The following SHISA6 variants were observed in gnomAD, a reference collection of about 807,000 sequenced individuals.
SHISA6 encodes protein shisa-6.
A neutral mutation model predicts 47.9 loss-of-function variants in SHISA6; 22 were observed. The ratio of observed to expected loss-of-function variants is 0.46; its 90% CI spans 0.33 to 0.66. The LOEUF (loss-of-function observed/expected upper bound fraction) is 0.66. SHISA6 is among the 30% of genes least tolerant of loss of function. The pLI is 0.02. For missense variants in SHISA6, 680 were observed against 764.6 expected (o/e 0.89, Z 1.30); for synonymous variants, 388 against 337.8 (o/e 1.15, Z -1.63).
intron 2 of SHISA6, among the ~76,000 whole-genome samples, chr17:11,335,592 T>G (rs533632336): frequency 3.0e-4 from 45 of 152,272 alleles, no homozygotes; most frequent in African/African-American, 1.1e-3. Flanking sequence ...CTCTTTTTCC[T>G]TGGCTCCTCA....
chr17:11,330,222 C>T (rs1307096285), intron 2 of SHISA6, among the ~76,000 whole-genome samples: 2 of 152,020 alleles, frequency 1.3e-5, no homozygotes, highest in Non-Finnish European at 2.9e-5. Context: ...ATTAACCAGA[C>T]CATGGTCACG....
chr17:11,308,068 T>TAAGGA (rs1910189249), intron 2 of SHISA6, among the ~76,000 whole-genome samples: 3 of 152,246 alleles, frequency 2.0e-5, no homozygotes, highest in Non-Finnish European at 1.5e-5. Context: ...AAGTGGGCAC[T>TAAGGA]AGGGAGGTTG....
intron 3 of SHISA6, among the ~76,000 whole-genome samples, chr17:11,392,999 T>G (rs1913438125): frequency 6.6e-6 from 1 of 152,238 alleles, no homozygotes; most frequent in African/African-American, 2.4e-5. Flanking sequence ...ATTGAGAGGT[T>G]CTGGGGAAGC....
intron 3 of SHISA6, among the ~76,000 whole-genome samples, chr17:11,417,564 C>A (rs1036379020): frequency 6.6e-6 from 1 of 152,198 alleles, no homozygotes; most frequent in African/African-American, 2.4e-5. Context: ...GAGATGTAAT[C>A]TTCACTTGGA....
intron 3 of SHISA6, among the ~76,000 whole-genome samples, chr17:11,407,165 A>G (rs1203420839): frequency 6.6e-6 from 1 of 152,040 alleles, no homozygotes; most frequent in Non-Finnish European, 1.5e-5. Flanking sequence ...ACTCATTTAT[A>G]CAACATAACC....
Position 11,241,980 on chromosome 17 carries a change from C to T in SHISA6, c.558C>T (p.Ala186=). ...FTVYITCGVI[A]FVIVAGVFAK... is the part of the protein sequence containing the mutation. ...TCTACATCACCTGCGGGGTGATCGC[C>T]TTCGTCATCGTGGCCGGCGTCTTCG... The change falls in exon 1 of 6, where the codon GCC becomes GCT. Residue 186 remains alanine (A), a synonymous_variant. Coordinates refer to ENST00000441885, the MANE Select transcript of SHISA6 (RefSeq NM_207386.4). This position sits in a 1 kb window ranked among gnomAD's most constrained non-coding sequence, Gnocchi z 5.5. 2 of 1,551,102 alleles carry T rather than the reference C, an allele frequency of 1.3e-6. No individual in the cohort carries two copies. Among genetic ancestry groups the T allele is most frequent in the Non-Finnish European group, 1.7e-6 (2 of 1,147,008 alleles).
chr17:11,498,932 T>C (rs1406662028), intron 3 of SHISA6, among the ~76,000 whole-genome samples: 1 of 152,188 alleles, frequency 6.6e-6, no homozygotes, highest in Non-Finnish European at 1.5e-5. Context: ...TCAGTAAGTG[T>C]TTGTTTTTGC....
intron 2 of SHISA6, among the ~76,000 whole-genome samples, chr17:11,375,422 C>A (rs1912766603): frequency 6.6e-6 from 1 of 152,176 alleles, no homozygotes; most frequent in Non-Finnish European, 1.5e-5. Context: ...GTTCTCTAGT[C>A]CAGATCTGCA....
intron 2 of SHISA6, among the ~76,000 whole-genome samples, chr17:11,323,640 T>C (rs1015530304): frequency 6.6e-6 from 1 of 150,534 alleles, no homozygotes; most frequent in Non-Finnish European, 1.5e-5. Context: ...GGCAACAGAG[T>C]GAGACTGTGT....
At chr17:11,316,424 T>TA (rs1410612329) in intron 2 of SHISA6, among the ~76,000 whole-genome samples, 1 of 143,410 alleles carries the variant, frequency 7.0e-6, no homozygotes, top group African/African-American at 2.5e-5. Context: ...TCTCTCTTTT[T>TA]TTTTTTTTTT....
intron 3 of SHISA6, among the ~76,000 whole-genome samples, chr17:11,404,402 C>A (rs750124052): frequency 1.3e-5 from 2 of 152,098 alleles, no homozygotes; most frequent in Admixed American, 1.3e-4. Flanking sequence ...GCCTGTATAT[C>A]CCAAGACTGT....
chr17:11,474,544 A>G (rs899872056), intron 3 of SHISA6, among the ~76,000 whole-genome samples: 2 of 151,904 alleles, frequency 1.3e-5, no homozygotes, highest in East Asian at 1.9e-4. Context: ...TTCCAGCACC[A>G]TTTGTTGAGA....
At chr17:11,477,552 G>A (rs1014838375) in intron 3 of SHISA6, among the ~76,000 whole-genome samples, 7 of 147,946 alleles carry the variant, frequency 4.7e-5, no homozygotes, top group Middle Eastern at 7.0e-3. Flanking sequence ...TATACCTCCC[G>A]ATGCTATCCC....
At chr17:11,340,740 A>G (rs534541689) in intron 2 of SHISA6, among the ~76,000 whole-genome samples, 55 of 152,324 alleles carry the variant, frequency 3.6e-4, no homozygotes, top group Non-Finnish European at 7.2e-4. Context: ...TGACTCCCCA[A>G]TTACAGGAAG....
At chr17:11,377,040 A>G (rs901137702) in intron 2 of SHISA6, among the ~76,000 whole-genome samples, 28 of 152,196 alleles carry the variant, frequency 1.8e-4, no homozygotes, top group African/African-American at 6.5e-4. Context: ...GGCTTTGAAA[A>G]ACATAAAAGC....
rs574432623 is a variant in SHISA6, at chr17:11,345,154, G to A, written c.800-34260G>A. ...TAAATAGTATTTCATTTGAATGAAT[G>A]AATGTTGTATATACCACATTTTATT... On this transcript the variant is annotated intron_variant, in intron 2 of 5. Transcript: ENST00000441885. Among the ~76,000 whole-genome samples the A allele has an allele frequency of 8.5e-5, 13 of 152,202 alleles. No homozygotes were observed. The South Asian group carries it at 2.7e-3, about 32-fold the overall frequency.
At chr17:11,277,826 C>A (rs546930437) in intron 2 of SHISA6, among the ~76,000 whole-genome samples, 1 of 152,228 alleles carries the variant, frequency 6.6e-6, no homozygotes, top group African/African-American at 2.4e-5. Context: ...ATCATGTCTG[C>A]GTTCCAGACA....
intron 2 of SHISA6, among the ~76,000 whole-genome samples, chr17:11,354,798 A>G (rs769091916): frequency 1.3e-5 from 2 of 152,080 alleles, no homozygotes; most frequent in Non-Finnish European, 2.9e-5. Context: ...TTCCCTCCAG[A>G]AACAGAATAG....
At chr17:11,245,156 A>G (rs1398887246) in intron 1 of SHISA6, among the ~76,000 whole-genome samples, 1 of 152,200 alleles carries the variant, frequency 6.6e-6, no homozygotes, top group Non-Finnish European at 1.5e-5. Context: ...TGTGATTCTA[A>G]TAGATGAGTA....
Sources: gnomAD v4.1 joint callset for allele counts (sites outside exome capture counted in the v4.1 genomes callset) on GRCh38, gnomAD v4.1.1 for gene constraint, Gnocchi (gnomAD v3.1) non-coding constraint, MANE v1.5 for transcripts, NCBI Gene and HGNC (gene_info 2026-07-23, HGNC 2026-07-21) for gene names.